Variants in EVL observed in about 807,000 individuals in gnomAD.
EVL encodes Enah/Vasp-like.
In EVL, 21 loss-of-function variants were observed where a neutral mutation model predicts 59.6. That is an observed-to-expected ratio of 0.35 (90% CI 0.25 to 0.51). The LOEUF is 0.51. EVL is among the 20% of genes least tolerant of loss of function. The pLI is 0.97. For missense variants in EVL, 462 were observed against 546.6 expected (o/e 0.85, Z 1.54); for synonymous variants, 198 against 203.5 (o/e 0.97, Z 0.23).
intron 3 of EVL, 146 bp from the exon 4 acceptor site, chr14:100,123,393 G>C: frequency 1.4e-6 from 1 of 698,876 alleles, no homozygotes. Context: ...TGATGCACAG[G>C]TGTGAGTGAG....
chr14:100,026,598 C>T (rs150120998), intron 1 of EVL, among the ~76,000 whole-genome samples: 18 of 152,200 alleles, frequency 1.2e-4, no homozygotes, highest in Non-Finnish European at 2.5e-4. Context: ...GGTAGAATGA[C>T]CTACCCTCCT....
In EVL at chr14:100,130,565, C is replaced by T. The variant is rs561156721; in HGVS notation, c.839+881C>T. ...TCTCCTGGCCCTCCCAGCTGCCTTC[C>T]AATTGGCTGACCCAAGTGAGAACTC... On this transcript the variant is annotated intron_variant, in intron 7 of 13. Coordinates refer to ENST00000392920, the MANE Select transcript of EVL (RefSeq NM_016337.3). The surrounding 1 kb of genome is among the most constrained non-coding windows in gnomAD (Gnocchi z 4.8). 2.8e-4 allele frequency among the ~76,000 whole-genome samples: 42 copies of T among 152,336 alleles called. No individual in the cohort carries two copies. Among genetic ancestry groups the T allele is most frequent in the Non-Finnish European group, 5.3e-4 (36 of 68,034 alleles).
chr14:100,016,261 T>C (rs991998423), intron 1 of EVL, among the ~76,000 whole-genome samples: 1 of 152,170 alleles, frequency 6.6e-6, no homozygotes, highest in African/African-American at 2.4e-5. Context: ...CTGGGCGTTG[T>C]GGCTCACGCC....
intron 1 of EVL, among the ~76,000 whole-genome samples, chr14:100,055,955 G>A (rs1475297169): frequency 6.6e-6 from 1 of 152,048 alleles, no homozygotes; most frequent in African/African-American, 2.4e-5. Context: ...GGGATTACAG[G>A]TGCATGCCAC....
chr14:100,013,517 G>T (rs1163178766), intron 1 of EVL, among the ~76,000 whole-genome samples: 1 of 152,208 alleles, frequency 6.6e-6, no homozygotes, highest in Non-Finnish European at 1.5e-5. Context: ...AGTAGAACTG[G>T]ATTCAGAATC....
intron 1 of EVL, among the ~76,000 whole-genome samples, chr14:100,069,234 C>G (rs2140276032): frequency 6.6e-6 from 1 of 152,282 alleles, no homozygotes; most frequent in Middle Eastern, 3.4e-3. Context: ...GTGGAGCTTC[C>G]TGGTGTGGCA....
chr14:100,123,665 G>C, intron 4 of EVL, 63 bp downstream of exon 4: 1 of 1,564,020 alleles, frequency 6.4e-7, no homozygotes, highest in Non-Finnish European at 8.8e-7. Context: ...GGCCAGGGGT[G>C]CCTTCAGCGG....
upstream of EVL, chr14:100,065,288 C>T (rs2061907255): frequency 3.0e-6 from 1 of 332,052 alleles, no homozygotes; most frequent in South Asian, 1.1e-4. Flanking sequence ...GTGTTAGCTT[C>T]TTGTTTCTCT....
intron 1 of EVL, among the ~76,000 whole-genome samples, chr14:99,999,261 C>G (rs1225414366): frequency 6.6e-6 from 1 of 152,098 alleles, no homozygotes; most frequent in Non-Finnish European, 1.5e-5. Flanking sequence ...TTAACTTATT[C>G]TGTAGTGATT....
At chr14:99,993,310 G>A (rs765394043) in intron 1 of EVL, among the ~76,000 whole-genome samples, 2 of 152,022 alleles carry the variant, frequency 1.3e-5, no homozygotes, top group Non-Finnish European at 2.9e-5. Flanking sequence ...TGCCCACCTT[G>A]GCCTCCCAAA....
Position 100,024,004 on chromosome 14 carries a change from C to T in EVL, c.5+51947C>T, listed in dbSNP as rs2061170088. ...CGTCAAGCAAGAATGGAGCCCAAATCAGAGACTTCTGTTTCTCAGAACTCC... is the reference window on the plus strand; with the variant it reads ...CGTCAAGCAAGAATGGAGCCCAAATTAGAGACTTCTGTTTCTCAGAACTCC... On this transcript the variant is annotated intron_variant, in intron 1 of 13. Coordinates refer to the EVL transcript ENST00000402714. Among the ~76,000 whole-genome samples the T allele has an allele frequency of 2.0e-5, 3 of 152,328 alleles. No homozygotes were observed. In the South Asian group the frequency reaches 6.2e-4, roughly 32 times the overall value.
intron 1 of EVL, among the ~76,000 whole-genome samples, chr14:100,038,538 T>C (rs1318885175): frequency 6.6e-6 from 1 of 152,226 alleles, no homozygotes; most frequent in African/African-American, 2.4e-5. Flanking sequence ...GCGGAACAAG[T>C]CTGGGTCCCA....
At chr14:100,068,781 C>T (rs948981428) in intron 1 of EVL, among the ~76,000 whole-genome samples, 2 of 152,098 alleles carry the variant, frequency 1.3e-5, no homozygotes, top group South Asian at 2.1e-4. Context: ...CTGGAAGAAT[C>T]TGTAGAGGTG....
At chr14:100,047,146 A>C (rs1240525643) in intron 1 of EVL, among the ~76,000 whole-genome samples, 18 of 41,750 alleles carry the variant, frequency 4.3e-4, no homozygotes, top group South Asian at 1.4e-3. Context: ...TTTTTTTTTT[A>C]CCTGACCCCA....
chr14:99,987,287 C>T (rs1170725530), intron 1 of EVL, among the ~76,000 whole-genome samples: 2 of 152,204 alleles, frequency 1.3e-5, no homozygotes, highest in East Asian at 3.9e-4. Context: ...GAGGTGGGGC[C>T]TTTGGAATAT....
At chr14:100,093,376 T>A (rs1375252903) in intron 2 of EVL, among the ~76,000 whole-genome samples, 1 of 152,170 alleles carries the variant, frequency 6.6e-6, no homozygotes, top group African/African-American at 2.4e-5. Flanking sequence ...GAGCAACTTG[T>A]CTAAGGTTAT....
intron 1 of EVL, among the ~76,000 whole-genome samples, chr14:99,988,203 G>A (rs932267085): frequency 2.6e-5 from 4 of 151,992 alleles, no homozygotes; most frequent in African/African-American, 4.8e-5. Flanking sequence ...GGTGTGAGCC[G>A]CCGTGCCTGG....
At chr14:100,001,622 G>T (rs1405584151) in intron 1 of EVL, among the ~76,000 whole-genome samples, 2 of 152,148 alleles carry the variant, frequency 1.3e-5, no homozygotes, top group African/African-American at 2.4e-5. Context: ...TAAAAGACAA[G>T]CCCAGCCGTG....
intron 3 of EVL, among the ~76,000 whole-genome samples, chr14:100,115,496 C>T (rs1256996433): frequency 6.6e-6 from 1 of 152,232 alleles, no homozygotes; most frequent in Non-Finnish European, 1.5e-5. Flanking sequence ...CCACTGTGGC[C>T]CTGGTCAGTC....
Sources: gnomAD v4.1 joint callset for allele counts (sites outside exome capture counted in the v4.1 genomes callset) on GRCh38, gnomAD v4.1.1 for gene constraint, Gnocchi (gnomAD v3.1) non-coding constraint, MANE v1.5 for transcripts, NCBI Gene and HGNC (gene_info 2026-07-23, HGNC 2026-07-21) for gene names.